Variants in ZNF536 observed in about 807,000 individuals in gnomAD.
ZNF536 encodes the protein zinc finger protein 536.
ZNF536 carries 13 observed loss-of-function variants against 84.5 expected under a neutral mutation model. The ratio of observed to expected loss-of-function variants is 0.15; its 90% CI spans 0.10 to 0.24. The LOEUF is 0.24. ZNF536 is among the 10% of genes least tolerant of loss of function. The pLI, the probability that ZNF536 is intolerant of heterozygous loss-of-function variation, is 1.00. For synonymous variants in ZNF536, 811 were observed against 742.5 expected (o/e 1.09, Z -1.50); for missense variants, 1,536 against 1,747.5 (o/e 0.88, Z 2.16).
At chr19:30,582,153 C>T (rs1329967146) in intron 1 of ZNF536, among the ~76,000 whole-genome samples, 1 of 151,996 alleles carries the variant, frequency 6.6e-6, no homozygotes, top group East Asian at 1.9e-4. Context: ...TGGCTGGCAG[C>T]TGGGAAAACA....
intron 1 of ZNF536, among the ~76,000 whole-genome samples, chr19:30,617,383 C>G (rs1436583672): frequency 1.0e-5 from 1 of 98,394 alleles, no homozygotes. Context: ...TGGAGTCTGA[C>G]TCTGTCACCC....
chr19:30,676,140 C>T (rs1357192538), intron 1 of ZNF536, among the ~76,000 whole-genome samples: 1 of 152,148 alleles, frequency 6.6e-6, no homozygotes, highest in Admixed American at 6.5e-5. Context: ...CAGGTGTGAG[C>T]CACATGTGCT....
intron 1 of ZNF536, among the ~76,000 whole-genome samples, chr19:30,244,752 C>T (rs972797843): frequency 1.3e-5 from 2 of 152,172 alleles, no homozygotes; most frequent in Non-Finnish European, 2.9e-5. Context: ...CTTTGACCAG[C>T]GTCTGGCCAG....
At chr19:30,656,698 C>A (rs1420566323) in intron 1 of ZNF536, among the ~76,000 whole-genome samples, 1 of 152,206 alleles carries the variant, frequency 6.6e-6, no homozygotes, top group Non-Finnish European at 1.5e-5. Context: ...GGCAGCAATG[C>A]CTGTCATCAT....
At chr19:30,605,601 G>T (rs12460877) in intron 1 of ZNF536, among the ~76,000 whole-genome samples, 2,291 of 152,264 alleles carry the variant, frequency 0.015, 93 homozygotes, top group Admixed American at 0.089. Flanking sequence ...TGGGCACTTA[G>T]GTTGGTTCCA....
intron 1 of ZNF536, among the ~76,000 whole-genome samples, chr19:30,410,860 A>G (rs966426174): frequency 6.6e-6 from 1 of 152,182 alleles, no homozygotes; most frequent in African/African-American, 2.4e-5. Context: ...ATGGATTGGC[A>G]TTATCTCTGC....
At chr19:30,446,812 AAACAACAAC>A (rs141206450) in intron 2 of ZNF536, among the ~76,000 whole-genome samples, 3 of 87,640 alleles carry the variant, frequency 3.4e-5, no homozygotes, top group African/African-American at 7.4e-5. Flanking sequence ...AAAAAAACCA[AAACAACAAC>A]AACAACAACA....
chr19:30,269,618 G>A (rs1386047033), intron 1 of ZNF536, among the ~76,000 whole-genome samples: 2 of 152,142 alleles, frequency 1.3e-5, no homozygotes, highest in African/African-American at 2.4e-5. Context: ...TTCGACATTT[G>A]GGTCTAAACA....
chr19:30,342,407 T>C (rs908147509), intron 2 of ZNF536, among the ~76,000 whole-genome samples: 1 of 152,232 alleles, frequency 6.6e-6, no homozygotes, highest in Non-Finnish European at 1.5e-5. Context: ...CTTGAGATCA[T>C]GTATTCAAAC....
chr19:30,660,235 C>T (rs1328460759), intron 1 of ZNF536, among the ~76,000 whole-genome samples: 2 of 152,166 alleles, frequency 1.3e-5, no homozygotes, highest in Non-Finnish European at 2.9e-5. Context: ...CTTCAACAGC[C>T]ATGGCAGTGT....
chr19:30,488,585 G>A (rs2903444), intron 2 of ZNF536, among the ~76,000 whole-genome samples: 2 of 150,482 alleles, frequency 1.3e-5, no homozygotes, highest in Non-Finnish European at 1.5e-5. Context: ...AAACAACCCT[G>A]AGAGTCTCAA....
chr19:30,679,180 A>C (rs1217156807), intron 1 of ZNF536, among the ~76,000 whole-genome samples: 1 of 152,120 alleles, frequency 6.6e-6, no homozygotes, highest in Non-Finnish European at 1.5e-5. Flanking sequence ...CAGGCTCAGG[A>C]CTTCCCATAT....
chr19:30,406,193 A>T (rs1023713493), intron 1 of ZNF536, among the ~76,000 whole-genome samples: 2 of 152,242 alleles, frequency 1.3e-5, no homozygotes, highest in African/African-American at 4.8e-5. Flanking sequence ...AGACACAATC[A>T]TTGTTAACAT....
intron 3 of ZNF536, among the ~76,000 whole-genome samples, chr19:30,358,229 AG>A (rs2048160261): frequency 6.6e-6 from 1 of 152,200 alleles, no homozygotes; most frequent in Admixed American, 6.5e-5. Context: ...ATGGGTGAGA[AG>A]GCCGGGGCTC....
chr19:30,239,241 GC>G (rs2023762769), intron 1 of ZNF536, among the ~76,000 whole-genome samples: 1 of 152,212 alleles, frequency 6.6e-6, no homozygotes, highest in Non-Finnish European at 1.5e-5. Flanking sequence ...TTTATTGAGT[GC>G]CTATTAGACA....
At chr19:30,491,814 G>T (rs2054520226) in intron 2 of ZNF536, among the ~76,000 whole-genome samples, 1 of 151,606 alleles carries the variant, frequency 6.6e-6, no homozygotes, top group Non-Finnish European at 1.5e-5. Flanking sequence ...GAAACTCAAT[G>T]ATTTCTTTTC....
At chr19:30,672,779 A>G (rs1181875568) in intron 1 of ZNF536, among the ~76,000 whole-genome samples, 3 of 152,166 alleles carry the variant, frequency 2.0e-5, no homozygotes, top group African/African-American at 7.2e-5. Flanking sequence ...GGAGGGAGAG[A>G]AGATCCCAGG....
rs746307749 is a variant in ZNF536, at chr19:30,445,608, G to C, written c.2046G>C (p.Ser682=). ...RGSGSDQESQ[S]VSRSTTPGSS... ...CGGGCAGTGACCAGGAGTCCCAGTC[G>C]GTGAGCCGCTCCACCACGCCGGGCT... Residue 682 remains serine (S), a synonymous_variant, in exon 2 of 5, where the codon TCG becomes TCC. Transcript: ENST00000355537. This position sits in a 1 kb window ranked among gnomAD's most constrained non-coding sequence, Gnocchi z 4.5. 1 of 1,612,832 alleles carries C rather than the reference G, an allele frequency of 6.2e-7. No homozygotes were observed. The highest frequency in any genetic ancestry group is 1.3e-5 in the African/African-American group (1 of 75,056).
At chr19:30,264,958 T>TGA (rs1354499365) in intron 1 of ZNF536, among the ~76,000 whole-genome samples, 5 of 111,890 alleles carry the variant, frequency 4.5e-5, no homozygotes, top group African/African-American at 2.2e-4. Flanking sequence ...TGTGTGTGTG[T>TGA]GTGTGTGTGA....
Sources: gnomAD v4.1 joint callset for allele counts (sites outside exome capture counted in the v4.1 genomes callset) on GRCh38, gnomAD v4.1.1 for gene constraint, Gnocchi (gnomAD v3.1) non-coding constraint, MANE v1.5 for transcripts, NCBI Gene and HGNC (gene_info 2026-07-23, HGNC 2026-07-21) for gene names.